PCDHA1: variants seen among roughly 807,000 people sequenced by gnomAD.
PCDHA1 encodes the protein protocadherin alpha 1, also known as protocadherin alpha-1.
PCDHA1 carries 42 observed loss-of-function variants against 61.3 expected under a neutral mutation model. The observed-to-expected ratio is 0.69, with a 90% CI of 0.54 to 0.89. The LOEUF (loss-of-function observed/expected upper bound fraction) is 0.89, where lower values mean the gene tolerates loss of function less well. PCDHA1 is among the 40% of genes least tolerant of loss of function. The pLI is 0.00. For missense variants in PCDHA1, 1,256 were observed against 1,235.3 expected, an observed-to-expected ratio of 1.02 and a Z score of -0.25; for synonymous variants, 610 against 553.8, an observed-to-expected ratio of 1.10 and a Z score of -1.43.
chr5:140,808,873 G>C (rs782251323), intron 1 of PCDHA1: 14 of 1,613,080 alleles, frequency 8.7e-6, no homozygotes, highest in Non-Finnish European at 1.2e-5. Flanking sequence ...ACGACAACGC[G>C]CCAGCACTGC....
At chr5:140,951,440 A>G (rs1296002857) in intron 1 of PCDHA1, among the ~76,000 whole-genome samples, 2 of 152,004 alleles carry the variant, frequency 1.3e-5, no homozygotes, top group Non-Finnish European at 2.9e-5. Flanking sequence ...TGTAGGAAGC[A>G]TGATGCCGGC....
At chr5:140,944,219 A>G (rs191111426) in intron 1 of PCDHA1, among the ~76,000 whole-genome samples, 202 of 152,176 alleles carry the variant, frequency 1.3e-3, no homozygotes, top group Non-Finnish European at 2.3e-3. Context: ...AGAGGGTTTT[A>G]CTCTGTCGCT....
chr5:140,942,120 A>G (rs2093234009), intron 1 of PCDHA1, among the ~76,000 whole-genome samples: 1 of 152,234 alleles, frequency 6.6e-6, no homozygotes, highest in South Asian at 2.1e-4. Flanking sequence ...ACTTTATTAA[A>G]GGTGATATTT....
At chr5:140,930,003 A>G (rs1440351209) in intron 1 of PCDHA1, 1 of 152,218 alleles carries the variant, frequency 6.6e-6, no homozygotes, top group Non-Finnish European at 1.5e-5. Flanking sequence ...ACCCTAAAAC[A>G]TAGCTGATAG....
chr5:140,901,690 T>C (rs566618023), intron 1 of PCDHA1, among the ~76,000 whole-genome samples: 22 of 152,340 alleles, frequency 1.4e-4, no homozygotes, highest in African/African-American at 5.3e-4. Flanking sequence ...ATGGGTATTT[T>C]GTAGTTCTAT....
rs2150495171 is a variant in PCDHA1, at chr5:140,850,706, G to C, written c.2394+62022G>C. 11 of 1,598,012 alleles carry C rather than the reference G, an allele frequency of 6.9e-6. 1 individual carries two copies. The highest frequency in any genetic ancestry group is 1.7e-5 in the Admixed American group (1 of 59,234). The stretch of plus-strand genomic sequence containing the variant: ...AGGGCGAGTGCGCGCCTGGCAAGCC[G>C]ACGCTGGTGTGTTCTAGCGCGGTGG... On this transcript the variant is annotated intron_variant, in intron 1 of 3. Transcript: ENST00000504120.
intron 1 of PCDHA1, chr5:140,927,991 G>T: frequency 6.2e-7 from 1 of 1,614,202 alleles, no homozygotes; most frequent in Non-Finnish European, 8.5e-7. Flanking sequence ...TGTAAAGGAT[G>T]AAGACCTCGA....
At position 140,978,971 on chromosome 5, in the gene PCDHA1, G is replaced by T. The variant is rs782774245; in HGVS notation, c.2417G>T (p.Trp806Leu). Residue 806 changes from tryptophan (W) to leucine (L), a missense_variant, in exon 2 of 4, where the codon TGG becomes TTG. Physicochemically the swap from Trp to Leu is moderately conservative, Grantham distance 61 (BLOSUM62 -2). Coordinates refer to ENST00000504120, the MANE Select transcript of PCDHA1 (RefSeq NM_018900.4). ...SGNPRQPNPD[W>L]RYSASLRAGM... is the part of the protein sequence containing the mutation. ...CAGCCACGACAGCCCAACCCTGACT[G>T]GCGTTACTCTGCCTCCCTGAGAGCA... The T allele has an allele frequency of 6.2e-7, 1 of 1,614,170 alleles. No individual in the cohort carries two copies. The highest frequency in any genetic ancestry group is 1.1e-5 in the South Asian group (1 of 91,076).
intron 1 of PCDHA1, chr5:140,801,398 G>A (rs1581642046): frequency 6.2e-7 from 1 of 1,613,688 alleles, no homozygotes; most frequent in East Asian, 2.2e-5. Flanking sequence ...TCCGGGTGGC[G>A]TCCAAAAGAC....
chr5:140,997,711 C>T (rs963457412), intron 3 of PCDHA1, among the ~76,000 whole-genome samples: 4 of 151,080 alleles, frequency 2.6e-5, no homozygotes. Flanking sequence ...TTAACAAACA[C>T]CTTTCTACGT....
chr5:140,944,799 G>A (rs1160069845), intron 1 of PCDHA1, among the ~76,000 whole-genome samples: 2 of 152,090 alleles, frequency 1.3e-5, no homozygotes, highest in Non-Finnish European at 2.9e-5. Flanking sequence ...CAAGTCTGTC[G>A]AGGGTCCACA....
At chr5:140,819,371 G>C (rs1180027831) in intron 1 of PCDHA1, among the ~76,000 whole-genome samples, 1 of 152,040 alleles carries the variant, frequency 6.6e-6, no homozygotes, top group South Asian at 2.1e-4. Context: ...TCTTGTGTTA[G>C]TATATTTCTA....
chr5:140,887,880 G>A (rs2061617016), intron 1 of PCDHA1, among the ~76,000 whole-genome samples: 1 of 151,970 alleles, frequency 6.6e-6, no homozygotes, highest in African/African-American at 2.4e-5. Flanking sequence ...TCCTTTTGTA[G>A]TATCATATCT....
intron 1 of PCDHA1, chr5:140,823,311 G>A (rs782814262): frequency 6.2e-7 from 1 of 1,612,232 alleles, no homozygotes; most frequent in Non-Finnish European, 8.5e-7. Flanking sequence ...TGCACGCGGA[G>A]AGCGGCAAGG....
intron 1 of PCDHA1, among the ~76,000 whole-genome samples, chr5:140,873,896 G>T (rs111760299): frequency 6.6e-6 from 1 of 152,112 alleles, no homozygotes; most frequent in African/African-American, 2.4e-5. Context: ...CCTGACCTCA[G>T]GTGATCTGCC....
At chr5:140,968,256 A>G (rs782309414) in intron 1 of PCDHA1, 2 of 1,614,006 alleles carry the variant, frequency 1.2e-6, no homozygotes, top group East Asian at 4.5e-5. Flanking sequence ...ACAGACCCAG[A>G]TGAAAAGGAG....
chr5:140,856,851 C>A, intron 1 of PCDHA1: 1 of 1,593,160 alleles, frequency 6.3e-7, no homozygotes. Flanking sequence ...GCTTCTGATT[C>A]GGATGAAGGA....
rs377370256 is a variant in PCDHA1 at position 140,966,811 on chromosome 5, G to A, written c.2395-12138G>A. On this transcript the variant is annotated intron_variant, in intron 1 of 3. Transcript: ENST00000504120. ...GACCTGCGGCGACAGAGCATCCACGGCTCCGGCGGCCCATGCCCTGGCTGC... is the reference window on the plus strand; with the variant it reads ...GACCTGCGGCGACAGAGCATCCACGACTCCGGCGGCCCATGCCCTGGCTGC... The A allele has an allele frequency of 1.4e-5, 21 of 1,549,722 alleles. No individual in the cohort carries two copies. The African/African-American group carries it at 2.6e-4, about 19-fold the overall frequency.
intron 1 of PCDHA1, among the ~76,000 whole-genome samples, chr5:140,973,873 G>A (rs546928847): frequency 3.3e-5 from 5 of 152,292 alleles, no homozygotes; most frequent in African/African-American, 1.2e-4. Flanking sequence ...TGAGAGGTCA[G>A]AATAATGTCA....
Sources: allele counts gnomAD v4.1 joint callset (sites outside exome capture counted in the v4.1 genomes callset), GRCh38; gene constraint gnomAD v4.1.1; transcripts MANE v1.5; gene names NCBI Gene and HGNC (gene_info 2026-07-23, HGNC 2026-07-21).